The following PRPSAP2 variants were observed in gnomAD, a reference collection of about 807,000 sequenced individuals.
The protein encoded by PRPSAP2 is phosphoribosyl pyrophosphate synthase-associated protein 2.
A neutral mutation model predicts 40.6 loss-of-function variants in PRPSAP2; 24 were observed. The observed-to-expected ratio is 0.59, with a 90% confidence interval of 0.43 to 0.83. PRPSAP2 has a LOEUF of 0.83. PRPSAP2 is among the 40% of genes least tolerant of loss of function. The pLI is 0.00. For missense variants in PRPSAP2, 292 were observed against 465.6 expected (o/e 0.63, Z 3.43); for synonymous variants, 149 against 164.7 (o/e 0.90, Z 0.73).
chr17:18,908,624 G>A, intron 8 of PRPSAP2: 1 of 722,840 alleles, frequency 1.4e-6, no homozygotes, highest in Non-Finnish European at 2.6e-6. Context: ...GACCATGCCT[G>A]GGTCTGGAAC....
chr17:18,928,655 G>A (rs183808822), intron 10 of PRPSAP2, 156 bp from the exon 11 acceptor site: 32 of 891,360 alleles, frequency 3.6e-5, no homozygotes, highest in Admixed American at 1.6e-4. Context: ...CATGGGGCAC[G>A]GTGATGGGGA....
intron 8 of PRPSAP2, among the ~76,000 whole-genome samples, chr17:18,893,032 C>CTA (rs1380098086): frequency 6.6e-6 from 1 of 152,100 alleles, no homozygotes; most frequent in Non-Finnish European, 1.5e-5. Context: ...ATTCTACATA[C>CTA]TAAACCTTGT....
At chr17:18,896,680 C>T (rs1222338659) in intron 8 of PRPSAP2, among the ~76,000 whole-genome samples, 1 of 133,676 alleles carries the variant, frequency 7.5e-6, no homozygotes, top group Non-Finnish European at 1.5e-5. Flanking sequence ...GATTGCTCAT[C>T]TACTCTGGGG....
At chr17:18,926,169 G>A (rs1261150168) in intron 10 of PRPSAP2, among the ~76,000 whole-genome samples, 2 of 151,950 alleles carry the variant, frequency 1.3e-5, no homozygotes, top group Admixed American at 1.3e-4. Flanking sequence ...TCCTTAGTTG[G>A]CAAAGTCTAT....
chr17:18,925,778 C>T, intron 10 of PRPSAP2, among the ~76,000 whole-genome samples: 1 of 152,196 alleles, frequency 6.6e-6, no homozygotes, highest in East Asian at 1.9e-4. Flanking sequence ...ACATTATCCC[C>T]AGTGCTTGAT....
intron 9 of PRPSAP2, among the ~76,000 whole-genome samples, chr17:18,919,951 G>A (rs1035561639): frequency 2.6e-5 from 4 of 152,164 alleles, no homozygotes; most frequent in Admixed American, 2.0e-4. Flanking sequence ...TTAATAAAGC[G>A]TTTGGCTCAG....
intron 8 of PRPSAP2, among the ~76,000 whole-genome samples, chr17:18,893,061 A>AT (rs2039674503): frequency 6.6e-6 from 1 of 151,640 alleles, no homozygotes; most frequent in Middle Eastern, 3.2e-3. Context: ...TGATTTGCAG[A>AT]TATTTTCTCT....
chr17:18,910,493 A>G (rs1315862466), intron 8 of PRPSAP2, among the ~76,000 whole-genome samples: 5 of 152,002 alleles, frequency 3.3e-5, no homozygotes, highest in Admixed American at 2.6e-4. Flanking sequence ...AGGTGAAACT[A>G]TAGTGACAGA....
chr17:18,887,011 A>T (rs1376293680), intron 7 of PRPSAP2, among the ~76,000 whole-genome samples: 1 of 134,520 alleles, frequency 7.4e-6, no homozygotes, highest in Non-Finnish European at 1.5e-5. Flanking sequence ...ATCTCAGCTC[A>T]TCACAACCTC....
chr17:18,902,221 A>G (rs868844901), intron 8 of PRPSAP2, among the ~76,000 whole-genome samples: 1 of 152,082 alleles, frequency 6.6e-6, no homozygotes, highest in South Asian at 2.1e-4. Flanking sequence ...TCACAGAGGG[A>G]TGGATGTAGT....
intron 9 of PRPSAP2, among the ~76,000 whole-genome samples, chr17:18,916,226 A>G (rs2041303654): frequency 6.6e-6 from 1 of 152,024 alleles, no homozygotes; most frequent in Non-Finnish European, 1.5e-5. Flanking sequence ...GTCTTTTTCT[A>G]GCCTTTTCCT....
At chr17:18,913,953 A>G (rs2151957106) in intron 9 of PRPSAP2, among the ~76,000 whole-genome samples, 1 of 151,554 alleles carries the variant, frequency 6.6e-6, no homozygotes, top group South Asian at 2.1e-4. Context: ...AGGCAGGTGG[A>G]TCACGAGGTC....
At chr17:18,930,458 T>G (rs545810676) in intron 11 of PRPSAP2, 82 bp from the exon 12 acceptor site, 5 of 1,395,794 alleles carry the variant, frequency 3.6e-6, no homozygotes, top group Admixed American at 2.0e-5. Context: ...GCCTCAGATT[T>G]GAGAAGCTGT....
chr17:18,913,276 T>C (rs898188915), intron 9 of PRPSAP2, among the ~76,000 whole-genome samples: 1 of 152,162 alleles, frequency 6.6e-6, no homozygotes, highest in Non-Finnish European at 1.5e-5. Context: ...ATTCACTCTG[T>C]GCACTGTGGA....
At chr17:18,875,522 G>A (rs1376174099) in intron 5 of PRPSAP2, among the ~76,000 whole-genome samples, 4 of 151,628 alleles carry the variant, frequency 2.6e-5, no homozygotes, top group South Asian at 2.1e-4. Context: ...CTGAGATCAC[G>A]CCACTGGATT....
chr17:18,885,403 CAAA>C (rs775079199), intron 7 of PRPSAP2, among the ~76,000 whole-genome samples: 4 of 10,996 alleles, frequency 3.6e-4, no homozygotes, highest in Admixed American at 8.9e-4. Context: ...TTCCTTCTCA[CAAA>C]AAAAAAAAAA....
intron 9 of PRPSAP2, among the ~76,000 whole-genome samples, chr17:18,916,309 C>T (rs1388470785): frequency 6.6e-6 from 1 of 152,120 alleles, no homozygotes; most frequent in Admixed American, 6.6e-5. Flanking sequence ...AGCAGCAACT[C>T]ACTTCTCAGT....
At chr17:18,881,472 A>T (rs1268713793) in intron 6 of PRPSAP2, among the ~76,000 whole-genome samples, 1 of 151,622 alleles carries the variant, frequency 6.6e-6, no homozygotes, top group Non-Finnish European at 1.5e-5. Flanking sequence ...TCCTGACCTC[A>T]GGTGATCCAC....
intron 7 of PRPSAP2, among the ~76,000 whole-genome samples, chr17:18,888,787 T>C: frequency 2.9e-5 from 1 of 34,740 alleles, no homozygotes; most frequent in African/African-American, 1.2e-4. Context: ...ACGGGGCGGC[T>C]GGCCGGGCAG....
Sources: allele counts gnomAD v4.1 joint callset (sites outside exome capture counted in the v4.1 genomes callset), GRCh38; gene constraint gnomAD v4.1.1; transcripts MANE v1.5; gene names NCBI Gene and HGNC (gene_info 2026-07-23, HGNC 2026-07-21).